The following SKIC8 variants were observed in gnomAD, a reference collection of about 807,000 sequenced individuals.
SKIC8 encodes SKI8 subunit of superkiller complex, also known as superkiller complex protein 8.
chr15:78,293,331 G>T, the SKIC8 span: 1 of 1,452,494 alleles, frequency 6.9e-7, no homozygotes, highest in Admixed American at 1.7e-5. Context: ...ATGAAGCCGA[G>T]ATACTGTTCA....
chr15:78,292,526 A>C, the SKIC8 span: 18 of 1,549,704 alleles, frequency 1.2e-5, no homozygotes, highest in South Asian at 2.3e-5. Flanking sequence ...AATCCAAAAA[A>C]TTCTGAGCTG....
chr15:78,296,503 C>A, the SKIC8 span, among the ~76,000 whole-genome samples: 4 of 152,122 alleles, frequency 2.6e-5, no homozygotes, highest in South Asian at 8.3e-4. Context: ...GTGCCAAAGA[C>A]CCCCTTTGGC....
the SKIC8 span, chr15:78,284,301 G>T: frequency 6.6e-6 from 1 of 152,238 alleles, no homozygotes; most frequent in East Asian, 1.9e-4. Flanking sequence ...TACTCCCTGA[G>T]TAAGATGCTT....
At chr15:78,286,058 GTCA>G in the SKIC8 span, 1 of 1,612,714 alleles carries the variant, frequency 6.2e-7, no homozygotes, top group Non-Finnish European at 8.5e-7. Context: ...CAAAGTGAGT[GTCA>G]TCAGGACAGA....
At chr15:78,293,450 GA>G in the SKIC8 span, 23 of 569,148 alleles carry the variant, frequency 4.0e-5, no homozygotes, top group Middle Eastern at 6.8e-4. Context: ...TGGAGGTTCT[GA>G]AGAAGCTACT....
the SKIC8 span, among the ~76,000 whole-genome samples, chr15:78,294,283 T>C: frequency 6.6e-6 from 1 of 152,224 alleles, no homozygotes; most frequent in Non-Finnish European, 1.5e-5. Context: ...GAGCTTTTAT[T>C]AGGCATTCCA....
the SKIC8 span, chr15:78,286,138 A>C: frequency 6.2e-7 from 1 of 1,605,390 alleles, no homozygotes; most frequent in Non-Finnish European, 8.5e-7. Context: ...TGTTGTCTGA[A>C]ATGGGAAAGT....
the SKIC8 span, chr15:78,283,531 TA>T: frequency 8.4e-5 from 134 of 1,589,174 alleles, 2 homozygotes; most frequent in South Asian, 1.4e-3. Context: ...CCTGTAAATT[TA>T]AAAAAAGATA....
chr15:78,298,370 G>T, the SKIC8 span, among the ~76,000 whole-genome samples: 1 of 152,182 alleles, frequency 6.6e-6, no homozygotes, highest in Non-Finnish European at 1.5e-5. Context: ...AATACACAAA[G>T]ATTTAGCTCA....
At chr15:78,296,379 C>T in the SKIC8 span, among the ~76,000 whole-genome samples, 1 of 151,794 alleles carries the variant, frequency 6.6e-6, no homozygotes, top group South Asian at 2.1e-4. Context: ...GAACTCCAGC[C>T]TGGGTGACAG....
At chr15:78,295,065 G>GTCA in the SKIC8 span, 1 of 1,464,414 alleles carries the variant, frequency 6.8e-7, no homozygotes, top group African/African-American at 1.4e-5. Context: ...AGTAGACAGA[G>GTCA]TCACCACAGT....
the SKIC8 span, chr15:78,285,598 G>A: frequency 2.4e-5 from 13 of 547,906 alleles, no homozygotes; most frequent in South Asian, 2.6e-4. Context: ...AGATGGGAGG[G>A]AGGCCTGTTA....
chr15:78,294,957 T>C, the SKIC8 span: 10 of 1,614,196 alleles, frequency 6.2e-6, no homozygotes, highest in Non-Finnish European at 8.5e-6. Context: ...TTGCTCTTGT[T>C]TGAAGAGAAT....
At chr15:78,297,656 T>C in the SKIC8 span, among the ~76,000 whole-genome samples, 1 of 152,198 alleles carries the variant, frequency 6.6e-6, no homozygotes, top group Non-Finnish European at 1.5e-5. Context: ...GTTGCCTACA[T>C]TCACAGTGGA....
At chr15:78,285,118 G>A in the SKIC8 span, 5 of 713,356 alleles carry the variant, frequency 7.0e-6, no homozygotes, top group Non-Finnish European at 4.8e-6. Flanking sequence ...CTGGCTACAT[G>A]GATGACTGAG....
the SKIC8 span, among the ~76,000 whole-genome samples, chr15:78,289,433 A>AAAC: frequency 2.1e-5 from 3 of 146,174 alleles, no homozygotes; most frequent in African/African-American, 4.9e-5. Context: ...AACAAACAAA[A>AAAC]AAACAAAAAA....
chr15:78,295,650 T>C, the SKIC8 span: 1 of 1,608,272 alleles, frequency 6.2e-7, no homozygotes, highest in Non-Finnish European at 8.5e-7. Flanking sequence ...CCAATTGATG[T>C]TTTTCCCTTC....
the SKIC8 span, among the ~76,000 whole-genome samples, chr15:78,293,783 TATTAC>T: frequency 3.3e-5 from 5 of 152,224 alleles, no homozygotes; most frequent in African/African-American, 7.2e-5. Flanking sequence ...ATGGGCCAAT[TATTAC>T]ATTACAACAA....
the SKIC8 span, chr15:78,289,587 C>G: frequency 1.3e-6 from 2 of 1,489,606 alleles, no homozygotes; most frequent in African/African-American, 1.4e-5. Context: ...ATTTGATAAC[C>G]CAGTTTGTCA....
Sources: allele counts gnomAD v4.1 joint callset (sites outside exome capture counted in the v4.1 genomes callset), GRCh38; gene constraint gnomAD v4.1.1; transcripts MANE v1.5; gene names NCBI Gene and HGNC (gene_info 2026-07-23, HGNC 2026-07-21).